Variants in ADAMTS16 observed in about 807,000 individuals in gnomAD.
ADAMTS16 encodes A disintegrin and metalloproteinase with thrombospondin motifs 16.
ADAMTS16 carries 94 observed loss-of-function variants against 145.8 expected under a neutral mutation model. The observed-to-expected ratio is 0.64, with a 90% CI of 0.55 to 0.77. The LOEUF (loss-of-function observed/expected upper bound fraction) is 0.77. Ranked by LOEUF, ADAMTS16 falls within the 30% of genes least tolerant of loss-of-function variation. The pLI is 0.00. For missense variants in ADAMTS16, 1,585 were observed against 1,591.5 expected (o/e 1.00, Z 0.07); for synonymous variants, 659 against 604.3 (o/e 1.09, Z -1.33).
At chr5:5,215,870 G>A (rs1487933260) in intron 10 of ADAMTS16, among the ~76,000 whole-genome samples, 2 of 101,642 alleles carry the variant, frequency 2.0e-5, no homozygotes, top group African/African-American at 1.0e-4. Flanking sequence ...GTGTGTATGT[G>A]TATATATATA....
rs1156711177 is a variant in ADAMTS16 at position 5,239,179 on chromosome 5, C to A, written c.2183C>A (p.Ser728Tyr). ...GTTGGATGTGACAATGTCCTTGGAT[C>A]TGATGCTGTTGAAGACGTCTGTGGG... ...ERVGCDNVLG[S>Y]DAVEDVCGVC... The change falls in exon 15 of 23, where the codon TCT (serine) becomes TAT (tyrosine). Residue 728 changes from serine (S) to tyrosine (Y), a missense_variant. Physicochemically the swap from Ser to Tyr is moderately radical, Grantham distance 144 (BLOSUM62 -2). Transcript: ENST00000274181. 1.3e-6 allele frequency: 2 copies of A among 1,588,512 alleles called. No homozygotes were observed. Among genetic ancestry groups the A allele is most frequent in the South Asian group, 2.3e-5 (2 of 86,506 alleles).
intron 20 of ADAMTS16, among the ~76,000 whole-genome samples, chr5:5,305,263 A>AC (rs1275193562): frequency 6.0e-4 from 21 of 34,946 alleles, no homozygotes; most frequent in Non-Finnish European, 9.3e-4. Flanking sequence ...CCACACACAC[A>AC]ATCCCACACC....
intron 2 of ADAMTS16, among the ~76,000 whole-genome samples, chr5:5,144,590 G>A (rs1734246390): frequency 6.6e-6 from 1 of 152,134 alleles, no homozygotes; most frequent in South Asian, 2.1e-4. Context: ...TATTTCCTCA[G>A]GGTGATTTCC....
In ADAMTS16 at chr5:5,182,062, G is replaced by A. The variant is rs376978039; in HGVS notation, c.520G>A (p.Glu174Lys). Residue 174 changes from glutamate (E) to lysine (K), a missense_variant, in exon 4 of 23, where the codon GAA (glutamate) becomes AAA (lysine). Physicochemically the swap from Glu to Lys is moderately conservative, Grantham distance 56. This residue lies in a region of ADAMTS16 where 453 missense variants were observed against 412.1 expected (regional missense o/e 1.10). Transcript: ENST00000274181. Reference protein sequence around the residue: ...CQGLSGMIRTEEADYFLRPLP... With the variant: ...CQGLSGMIRTKEADYFLRPLP... ...TTTCCAGTCAGGCATGATACGAACA[G>A]AAGAGGCAGATTACTTCCTAAGGCC... is the stretch of plus-strand genomic sequence containing the variant. 1.4e-5 allele frequency: 22 copies of A among 1,612,038 alleles called. No homozygotes were observed. The African/African-American group carries it at 2.7e-4, about 20-fold the overall frequency.
At chr5:5,199,335 G>C (rs147007552) in intron 8 of ADAMTS16, among the ~76,000 whole-genome samples, 1 of 152,180 alleles carries the variant, frequency 6.6e-6, no homozygotes, top group African/African-American at 2.4e-5. Flanking sequence ...GGTTCCTATA[G>C]CTGCTGTAGC....
rs1018144202 is a variant in ADAMTS16, at chr5:5,310,937, G to A, written c.3411+4209G>A. Among the ~76,000 whole-genome samples, 13 of 152,094 alleles carry A rather than the reference G, an allele frequency of 8.5e-5. No homozygotes were observed. The highest frequency in any genetic ancestry group is 5.2e-4 in the Admixed American group (8 of 15,266). ...AGTGCCTTCTTTCACTTTATATGCT[G>A]CAGAGCCCTAGCCCAGAGCCACGAG... On this transcript the variant is annotated intron_variant, in intron 21 of 22. Transcript: ENST00000274181. The surrounding 1 kb of genome is among the most constrained non-coding windows in gnomAD (Gnocchi z 4.3).
At chr5:5,210,761 G>A (rs374794690) in intron 10 of ADAMTS16, among the ~76,000 whole-genome samples, 1 of 151,888 alleles carries the variant, frequency 6.6e-6, no homozygotes, top group Non-Finnish European at 1.5e-5. Context: ...ATCCCAATTC[G>A]TTCAGAGATT....
At chr5:5,206,271 A>C (rs1414426954) in intron 9 of ADAMTS16, among the ~76,000 whole-genome samples, 1 of 146,964 alleles carries the variant, frequency 6.8e-6, no homozygotes, top group Non-Finnish European at 1.5e-5. Flanking sequence ...CTAAAAATAC[A>C]AAAAATTAGC....
intron 17 of ADAMTS16, 32 bp downstream of exon 17, chr5:5,242,223 A>G: frequency 6.2e-7 from 1 of 1,609,672 alleles, no homozygotes. Context: ...TCCTGGAGGC[A>G]GCATGTCAGC....
intron 8 of ADAMTS16, among the ~76,000 whole-genome samples, chr5:5,194,534 C>T (rs760730300): frequency 5.9e-5 from 9 of 152,248 alleles, no homozygotes; most frequent in South Asian, 4.1e-4. Context: ...TGACGCAGGG[C>T]GTGAGCAAGC....
At chr5:5,303,184 C>A in intron 18 of ADAMTS16, 84 bp from the exon 19 acceptor site, 1 of 1,378,862 alleles carries the variant, frequency 7.3e-7, no homozygotes, top group Non-Finnish European at 9.6e-7. Context: ...GGAAATCGCG[C>A]CGCTGCCTCC....
chr5:5,293,231 G>A (rs539737739), intron 18 of ADAMTS16, among the ~76,000 whole-genome samples: 13 of 152,106 alleles, frequency 8.5e-5, no homozygotes, highest in South Asian at 2.1e-4. Flanking sequence ...AGTTCGATGG[G>A]TGTGGCATTG....
intron 20 of ADAMTS16, among the ~76,000 whole-genome samples, chr5:5,304,161 C>A (rs1309840243): frequency 1.3e-5 from 2 of 152,178 alleles, no homozygotes; most frequent in Non-Finnish European, 2.9e-5. Context: ...GAAGAACATG[C>A]GTTGCTTGGG....
chr5:5,289,786 G>A (rs1739232125), intron 18 of ADAMTS16, among the ~76,000 whole-genome samples: 1 of 151,410 alleles, frequency 6.6e-6, no homozygotes, highest in South Asian at 2.1e-4. Flanking sequence ...GCAGGGATGA[G>A]TCCTCACAGC....
intron 17 of ADAMTS16, among the ~76,000 whole-genome samples, chr5:5,248,260 T>C (rs1737516390): frequency 6.6e-6 from 1 of 152,234 alleles, no homozygotes. Context: ...GAAATCATGA[T>C]CTTTCAGACT....
At chr5:5,176,587 A>G (rs1735202701) in intron 3 of ADAMTS16, among the ~76,000 whole-genome samples, 1 of 152,206 alleles carries the variant, frequency 6.6e-6, no homozygotes, top group Non-Finnish European at 1.5e-5. Context: ...TTGAGGCTTC[A>G]GTGATGAGAT....
intron 21 of ADAMTS16, among the ~76,000 whole-genome samples, chr5:5,313,915 G>C (rs145225165): frequency 0.015 from 2,229 of 152,296 alleles, 44 homozygotes; most frequent in Non-Finnish European, 0.017. Flanking sequence ...CACTAAATCT[G>C]CTGTCATCAT....
At chr5:5,169,369 G>C (rs1463479914) in intron 3 of ADAMTS16, among the ~76,000 whole-genome samples, 5 of 152,180 alleles carry the variant, frequency 3.3e-5, no homozygotes, top group Non-Finnish European at 7.3e-5. Flanking sequence ...GGCTGAAGAG[G>C]GACCTAGGAG....
At chr5:5,268,511 C>T (rs866105748) in intron 18 of ADAMTS16, among the ~76,000 whole-genome samples, 5 of 152,214 alleles carry the variant, frequency 3.3e-5, no homozygotes, top group African/African-American at 1.2e-4. Flanking sequence ...ACCTACCTCT[C>T]TGTTCCTTGA....
Sources: gnomAD v4.1 joint callset for allele counts (sites outside exome capture counted in the v4.1 genomes callset) on GRCh38, gnomAD v4.1.1 for gene constraint, gnomAD v4.1.1 regional missense constraint, Gnocchi (gnomAD v3.1) non-coding constraint, MANE v1.5 for transcripts, NCBI Gene and HGNC (gene_info 2026-07-23, HGNC 2026-07-21) for gene names.